Variants in TAFA2 observed in about 807,000 individuals in gnomAD.
TAFA2 encodes the protein chemokine-like protein TAFA-2.
In TAFA2, 7 loss-of-function variants were observed where a neutral mutation model predicts 18.8. The observed-to-expected ratio is 0.37, with a 90% CI of 0.21 to 0.70. TAFA2 has a LOEUF of 0.70. Among genes scored for constraint, TAFA2 ranks in the 30% least tolerant of loss-of-function variants. The probability of loss-of-function intolerance (pLI) is 0.53; values close to 1 mark genes in which losing one functional copy is unlikely to be tolerated. For synonymous variants in TAFA2, 60 were observed against 54.2 expected (o/e 1.11, Z -0.47); for missense variants, 122 against 158.1 (o/e 0.77, Z 1.23).
intron 2 of TAFA2, among the ~76,000 whole-genome samples, chr12:61,760,678 C>T (rs2120788712): frequency 6.6e-6 from 1 of 151,852 alleles, no homozygotes; most frequent in Middle Eastern, 3.4e-3. Flanking sequence ...CAAGCAGTTA[C>T]TAGAATTCTC....
intron 1 of TAFA2, chr12:61,879,957 C>T (rs1211346691): frequency 2.3e-6 from 2 of 885,878 alleles, no homozygotes; most frequent in African/African-American, 1.6e-5. Flanking sequence ...GAGCTGGAGT[C>T]TCACCTGGAA....
At chr12:62,251,318 G>T (rs768204592) in intron 1 of TAFA2, among the ~76,000 whole-genome samples, 9 of 152,202 alleles carry the variant, frequency 5.9e-5, no homozygotes, top group Non-Finnish European at 1.2e-4. Context: ...AGAGCAGGCT[G>T]CTGCCAGGTG....
chr12:61,932,729 C>T (rs190193703), intron 1 of TAFA2, among the ~76,000 whole-genome samples: 8 of 152,180 alleles, frequency 5.3e-5, no homozygotes, highest in East Asian at 1.9e-4. Context: ...TGTGAGCCAC[C>T]GCGCCCAGCC....
At chr12:61,889,479 T>G (rs963918913) in intron 1 of TAFA2, among the ~76,000 whole-genome samples, 4 of 152,206 alleles carry the variant, frequency 2.6e-5, no homozygotes, top group African/African-American at 7.2e-5. Context: ...GTTGGCTGGT[T>G]TCTTTGTTCT....
At chr12:61,822,183 A>C (rs2121053472) in intron 2 of TAFA2, among the ~76,000 whole-genome samples, 1 of 152,170 alleles carries the variant, frequency 6.6e-6, no homozygotes, top group African/African-American at 2.4e-5. Flanking sequence ...TATAGGTTAA[A>C]AAATACTCAT....
At chr12:62,236,481 G>T (rs1205844486) in intron 1 of TAFA2, among the ~76,000 whole-genome samples, 1 of 151,820 alleles carries the variant, frequency 6.6e-6, no homozygotes, top group African/African-American at 2.4e-5. Context: ...TAGCCAAGAT[G>T]GTCTCCATCT....
chr12:61,932,771 C>T (rs970456495), intron 1 of TAFA2, among the ~76,000 whole-genome samples: 3 of 152,104 alleles, frequency 2.0e-5, no homozygotes, highest in African/African-American at 7.2e-5. Flanking sequence ...AGGACAGGCC[C>T]GCAAAGTACT....
intron 1 of TAFA2, among the ~76,000 whole-genome samples, chr12:62,248,794 T>A (rs919498793): frequency 6.6e-6 from 1 of 152,206 alleles, no homozygotes; most frequent in African/African-American, 2.4e-5. Context: ...AACTTAAACA[T>A]TTTTAAGTGT....
At chr12:61,992,221 C>A (rs932025294) in intron 1 of TAFA2, among the ~76,000 whole-genome samples, 5 of 152,150 alleles carry the variant, frequency 3.3e-5, no homozygotes, top group African/African-American at 4.8e-5. Flanking sequence ...TCCATAAAAA[C>A]CTCAAAGCTA....
intron 1 of TAFA2, among the ~76,000 whole-genome samples, chr12:61,907,947 A>C (rs751036224): frequency 1.3e-5 from 2 of 152,106 alleles, no homozygotes; most frequent in African/African-American, 2.4e-5. Flanking sequence ...CATTTCTGCT[A>C]TTTGGAATGG....
At chr12:61,987,967 A>G (rs549906365) in intron 1 of TAFA2, among the ~76,000 whole-genome samples, 12 of 152,234 alleles carry the variant, frequency 7.9e-5, no homozygotes, top group Non-Finnish European at 1.6e-4. Flanking sequence ...ATTATAAATT[A>G]TCACCACAAT....
intron 1 of TAFA2, among the ~76,000 whole-genome samples, chr12:62,013,481 T>A (rs1880833898): frequency 6.6e-6 from 1 of 152,202 alleles, no homozygotes; most frequent in African/African-American, 2.4e-5. Context: ...ATAGTAAGTC[T>A]AAAATTCCAG....
chr12:61,727,609 T>A lies in TAFA2; in HGVS notation c.385-17192A>T, dbSNP rs185306701. ...TTGAGCTTATTTGGATCTTCTCTTT[T>A]CTTTTGTTGGTTAATCTTGCTAATG... On this transcript the variant is annotated intron_variant, in intron 4 of 4. Coordinates refer to ENST00000416284, the MANE Select transcript of TAFA2 (RefSeq NM_178539.5). Among the ~76,000 whole-genome samples the A allele has an allele frequency of 7.1e-4, 108 of 152,078 alleles. 1 individual carries two copies. The South Asian group carries it at 0.017, about 24-fold the overall frequency.
chr12:62,199,545 CTT>C (rs1345573228), intron 1 of TAFA2, among the ~76,000 whole-genome samples: 2 of 151,624 alleles, frequency 1.3e-5, no homozygotes, highest in Non-Finnish European at 2.9e-5. Context: ...GATCTCATTC[CTT>C]TTTACAGCTA....
chr12:62,182,114 G>C (rs2062556706), intron 1 of TAFA2, among the ~76,000 whole-genome samples: 2 of 151,834 alleles, frequency 1.3e-5, no homozygotes, highest in African/African-American at 4.8e-5. Flanking sequence ...ATAATTTGGA[G>C]AACTAAAATT....
chr12:62,232,802 A>G (rs1183863886), intron 1 of TAFA2, among the ~76,000 whole-genome samples: 1 of 151,874 alleles, frequency 6.6e-6, no homozygotes, highest in Non-Finnish European at 1.5e-5. Context: ...ATGAGCCACC[A>G]CACGCAGCTG....
At chr12:61,915,984 C>T (rs1238643687) in intron 1 of TAFA2, among the ~76,000 whole-genome samples, 1 of 152,166 alleles carries the variant, frequency 6.6e-6, no homozygotes, top group Non-Finnish European at 1.5e-5. Flanking sequence ...CCATGTAAAT[C>T]AAGTCAGAGT....
At chr12:62,236,901 G>T (rs959838136) in intron 1 of TAFA2, among the ~76,000 whole-genome samples, 34 of 152,180 alleles carry the variant, frequency 2.2e-4, no homozygotes, top group African/African-American at 8.0e-4. Context: ...TGACTTTTGA[G>T]AGTTTATTAT....
chr12:62,219,594 A>ATT (rs1407398411), intron 1 of TAFA2, among the ~76,000 whole-genome samples: 1 of 152,156 alleles, frequency 6.6e-6, no homozygotes, highest in Non-Finnish European at 1.5e-5. Context: ...AAAGAAACTT[A>ATT]TTTTCTAAAG....
Sources: allele counts gnomAD v4.1 joint callset (sites outside exome capture counted in the v4.1 genomes callset), GRCh38; gene constraint gnomAD v4.1.1; transcripts MANE v1.5; gene names NCBI Gene and HGNC (gene_info 2026-07-23, HGNC 2026-07-21).